RAB11A: variants seen among roughly 807,000 people sequenced by gnomAD.
RAB11A encodes ras-related protein Rab-11A.
In RAB11A, 9 loss-of-function variants were observed where a neutral mutation model predicts 28.0. The ratio of observed to expected loss-of-function variants is 0.32; its 90% CI spans 0.19 to 0.56. The LOEUF (loss-of-function observed/expected upper bound fraction) is 0.56. RAB11A is among the 20% of genes least tolerant of loss of function. The probability of loss-of-function intolerance (pLI) is 0.91; values close to 1 mark genes in which losing one functional copy is unlikely to be tolerated. For synonymous variants in RAB11A, 85 were observed against 88.2 expected (o/e 0.96, Z 0.20); for missense variants, 108 against 269.6 (o/e 0.40, Z 4.20).
At chr15:65,872,224 G>A (rs2078166529) in intron 1 of RAB11A, among the ~76,000 whole-genome samples, 1 of 151,954 alleles carries the variant, frequency 6.6e-6, no homozygotes, top group Non-Finnish European at 1.5e-5. Flanking sequence ...CAAGTGCTGG[G>A]ATTATAGGCG....
At chr15:65,873,709 A>G (rs1197693282) in intron 1 of RAB11A, among the ~76,000 whole-genome samples, 1 of 149,858 alleles carries the variant, frequency 6.7e-6, no homozygotes, top group Non-Finnish European at 1.5e-5. Context: ...GTGCTCCACC[A>G]TGCCTGGCTA....
At chr15:65,884,015 C>G (rs1433485751) in intron 4 of RAB11A, among the ~76,000 whole-genome samples, 1 of 152,064 alleles carries the variant, frequency 6.6e-6, no homozygotes, top group African/African-American at 2.4e-5. Context: ...GCAAGTGTAT[C>G]TTTTCTTAGA....
chr15:65,871,694 T>A (rs1226404106), intron 1 of RAB11A, among the ~76,000 whole-genome samples: 2 of 152,172 alleles, frequency 1.3e-5, no homozygotes, highest in Admixed American at 1.3e-4. Flanking sequence ...AGCACTGAGC[T>A]TTGGAATCAC....
chr15:65,870,188 C>T (rs2078150413), intron 1 of RAB11A: 1 of 152,542 alleles, frequency 6.6e-6, no homozygotes, highest in Admixed American at 6.5e-5. Context: ...CATCCCGGGT[C>T]CAGGACCCCG....
At chr15:65,881,330 A>G (rs544903828) in intron 4 of RAB11A, among the ~76,000 whole-genome samples, 2 of 152,310 alleles carry the variant, frequency 1.3e-5, no homozygotes, top group East Asian at 3.9e-4. Context: ...ATTGAGACCC[A>G]GGAGTTCTAG....
rs759435629 is a variant in RAB11A, at chr15:65,887,710, G to A, written c.521G>A (p.Arg174His). ...TTCTTTTTTCCTTCAGAGATTTACC[G>A]CATTGTTTCTCAGAAGCAAATGTCA... ...AFQTILTEIY[R>H]IVSQKQMSDR... Residue 174 changes from arginine (R) to histidine (H), a missense_variant, in exon 5 of 5, where the codon CGC becomes CAC. Physicochemically the swap from Arg to His is conservative, Grantham distance 29 (BLOSUM62 0). Coordinates refer to ENST00000261890, the MANE Select transcript of RAB11A (RefSeq NM_004663.5). The A allele has an allele frequency of 5.0e-6, 8 of 1,610,678 alleles. No homozygotes were observed. Among genetic ancestry groups the A allele is most frequent in the African/African-American group, 1.3e-5 (1 of 74,604 alleles).
At chr15:65,875,078 G>GT (rs1050594333) in intron 1 of RAB11A, among the ~76,000 whole-genome samples, 54 of 148,778 alleles carry the variant, frequency 3.6e-4, no homozygotes, top group South Asian at 1.3e-3. Flanking sequence ...AGTGCTGGAA[G>GT]TTTTTTTTTT....
intron 1 of RAB11A, among the ~76,000 whole-genome samples, chr15:65,872,434 C>CTT (rs766926004): frequency 5.1e-5 from 7 of 136,116 alleles, no homozygotes; most frequent in Admixed American, 7.4e-5. Context: ...AGGATTTCTA[C>CTT]TTTTTTTTTT....
At chr15:65,887,650 A>C in intron 4 of RAB11A, 51 bp from the exon 5 acceptor site, 1 of 1,517,310 alleles carries the variant, frequency 6.6e-7, no homozygotes, top group Non-Finnish European at 8.9e-7. Context: ...TTTTATCCTA[A>C]CTATGATAGG....
intron 4 of RAB11A, among the ~76,000 whole-genome samples, chr15:65,883,162 G>A (rs1490959308): frequency 6.6e-6 from 1 of 152,198 alleles, no homozygotes; most frequent in Non-Finnish European, 1.5e-5. Context: ...TGCCACATCA[G>A]TGTTTAATTA....
At chr15:65,870,922 C>T (rs529961772) in intron 1 of RAB11A, among the ~76,000 whole-genome samples, 1 of 151,760 alleles carries the variant, frequency 6.6e-6, no homozygotes, top group Admixed American at 6.6e-5. Flanking sequence ...GAAGAGAGTA[C>T]AGTAGATGCT....
chr15:65,875,347 T>A (rs2078185891), intron 1 of RAB11A, among the ~76,000 whole-genome samples: 3 of 152,188 alleles, frequency 2.0e-5, no homozygotes, highest in Non-Finnish European at 4.4e-5. Flanking sequence ...ACATCCAGCC[T>A]TTTGTACTAA....
At chr15:65,885,986 G>T (rs1379830124) in intron 4 of RAB11A, among the ~76,000 whole-genome samples, 2 of 152,242 alleles carry the variant, frequency 1.3e-5, no homozygotes. Context: ...TCTCGTGAAA[G>T]AGTCTGTTTA....
At chr15:65,882,115 G>A (rs969012955) in intron 4 of RAB11A, among the ~76,000 whole-genome samples, 30 of 152,214 alleles carry the variant, frequency 2.0e-4, no homozygotes, top group Admixed American at 7.2e-4. Context: ...TTGAACTTTT[G>A]TTACAGCTTA....
chr15:65,886,826 T>C (rs2078258734), intron 4 of RAB11A, among the ~76,000 whole-genome samples: 1 of 152,236 alleles, frequency 6.6e-6, no homozygotes, highest in South Asian at 2.1e-4. Flanking sequence ...CTAAATTATT[T>C]TTGATAAGTG....
chr15:65,882,031 G>A (rs2141106510), intron 4 of RAB11A, among the ~76,000 whole-genome samples: 1 of 152,144 alleles, frequency 6.6e-6, no homozygotes, highest in East Asian at 1.9e-4. Flanking sequence ...AGCCTTGTGG[G>A]CAGAGTGAGA....
intron 4 of RAB11A, among the ~76,000 whole-genome samples, chr15:65,885,299 T>C (rs1168477340): frequency 6.6e-6 from 1 of 151,860 alleles, no homozygotes; most frequent in Non-Finnish European, 1.5e-5. Context: ...ATTTTTTTTT[T>C]GTATTTTTAG....
At chr15:65,872,063 ACT>A (rs1827293124) in intron 1 of RAB11A, among the ~76,000 whole-genome samples, 1 of 147,982 alleles carries the variant, frequency 6.8e-6, no homozygotes, top group African/African-American at 2.5e-5. Flanking sequence ...CTCCCTAGCT[ACT>A]CTCTAGCTCC....
intron 1 of RAB11A, among the ~76,000 whole-genome samples, chr15:65,875,523 C>T (rs1253996543): frequency 6.6e-6 from 1 of 152,154 alleles, no homozygotes; most frequent in Non-Finnish European, 1.5e-5. Flanking sequence ...TTGACATTTT[C>T]TTCTGATATC....
Sources: allele counts gnomAD v4.1 joint callset (sites outside exome capture counted in the v4.1 genomes callset), GRCh38; gene constraint gnomAD v4.1.1; transcripts MANE v1.5; gene names NCBI Gene and HGNC (gene_info 2026-07-23, HGNC 2026-07-21).